The following TUBGCP3 variants were observed in gnomAD, a reference collection of about 807,000 sequenced individuals.
The protein encoded by TUBGCP3 is tubulin gamma complex component 3.
TUBGCP3 carries 50 observed loss-of-function variants against 123.1 expected under a neutral mutation model. The ratio of observed to expected loss-of-function variants is 0.41; its 90% CI spans 0.32 to 0.51. The LOEUF (loss-of-function observed/expected upper bound fraction) is 0.51, where lower values mean the gene tolerates loss of function less well. TUBGCP3 is among the 20% of genes least tolerant of loss of function. TUBGCP3 has a pLI of 0.36. For missense variants in TUBGCP3, 882 were observed against 1,127.0 expected (o/e 0.78, Z 3.11); for synonymous variants, 405 against 413.9 (o/e 0.98, Z 0.26).
chr13:112,516,424 C>T lies in TUBGCP3; in HGVS notation c.2086+16G>A, dbSNP rs750740905. The T allele has an allele frequency of 1.2e-5, 19 of 1,583,098 alleles. No individual in the cohort carries two copies. Among genetic ancestry groups the T allele is most frequent in the Admixed American group, 1.1e-4 (6 of 56,676 alleles). ...CTGGGAGTGTGTGCGGACCCGTGAC[C>T]GTGCTGGGGGCTCACCTGGCATGTT... On this transcript the variant is annotated intron_variant, in intron 17 of 21. Transcript: ENST00000261965.
upstream of TUBGCP3, among the ~76,000 whole-genome samples, chr13:112,589,802 C>T (rs185181638): frequency 1.3e-5 from 2 of 152,260 alleles, no homozygotes; most frequent in East Asian, 3.9e-4. Context: ...ATAAACATAT[C>T]TGAACAAAAA....
chr13:112,503,880 G>T, intron 19 of TUBGCP3, 152 bp downstream of exon 19: 1 of 980,706 alleles, frequency 1.0e-6, no homozygotes. Context: ...TTCAGAAACT[G>T]TACCTTCAAC....
rs1878910318 is a variant in TUBGCP3 at position 112,545,509 on chromosome 13, T to C, written c.1335+190A>G. On this transcript the variant is annotated intron_variant, in intron 11 of 21. Coordinates refer to ENST00000261965, the MANE Select transcript of TUBGCP3 (RefSeq NM_006322.6). This position sits in a 1 kb window ranked among gnomAD's most constrained non-coding sequence, Gnocchi z 4.1. ...AATTCTCCACTAACCAAAGAACTCG[T>C]GAACTTATCTGCTGTTCAGTGAGAT... The C allele has an allele frequency of 8.5e-6, 5 of 587,302 alleles. No homozygotes were observed. The highest frequency in any genetic ancestry group is 1.5e-5 in the Non-Finnish European group (5 of 341,968). 36.4% of individuals were successfully genotyped at this position (587,302 alleles called of 1,614,324 possible). A position where few individuals can be genotyped will look rare whatever the true frequency, so the allele number is the denominator to read the frequency against.
At chr13:112,591,576 C>T (rs989375173), upstream of TUBGCP3, among the ~76,000 whole-genome samples, 1 of 152,228 alleles carries the variant, frequency 6.6e-6, no homozygotes, top group Non-Finnish European at 1.5e-5. Flanking sequence ...AGGTGTGTGG[C>T]CTTGCGCCCC....
intron 17 of TUBGCP3, among the ~76,000 whole-genome samples, chr13:112,509,474 C>T (rs1251293870): frequency 6.6e-6 from 1 of 152,178 alleles, no homozygotes; most frequent in Non-Finnish European, 1.5e-5. Context: ...AAACTCACAC[C>T]TTTCAAAAGG....
intron 2 of TUBGCP3, among the ~76,000 whole-genome samples, chr13:112,567,593 T>C (rs1224996068): frequency 6.6e-6 from 1 of 152,204 alleles, no homozygotes; most frequent in Admixed American, 6.5e-5. Context: ...CCCATTTTTA[T>C]TCCCCGTCTT....
At chr13:112,547,974 C>A in intron 9 of TUBGCP3, 134 bp downstream of exon 9, 1 of 908,748 alleles carries the variant, frequency 1.1e-6, no homozygotes, top group Admixed American at 3.0e-5. Context: ...ATATTCAAAC[C>A]TTACAAATAA....
At chr13:112,566,723 T>C (rs1880976383) in intron 2 of TUBGCP3, among the ~76,000 whole-genome samples, 1 of 152,338 alleles carries the variant, frequency 6.6e-6, no homozygotes, top group South Asian at 2.1e-4. Flanking sequence ...TGCACTACAG[T>C]CACAGCACAA....
chr13:112,555,649 A>G (rs886660607), intron 6 of TUBGCP3, among the ~76,000 whole-genome samples: 4 of 152,214 alleles, frequency 2.6e-5, no homozygotes, highest in Non-Finnish European at 2.9e-5. Flanking sequence ...ATAAATGAAA[A>G]GACATAGCCC....
intron 1 of TUBGCP3, among the ~76,000 whole-genome samples, chr13:112,585,105 A>T (rs1882516040): frequency 6.6e-6 from 1 of 152,240 alleles, no homozygotes; most frequent in South Asian, 2.1e-4. Flanking sequence ...AATTCTCATT[A>T]AAAGTAACAA....
chr13:112,495,082 T>A (rs1428053267), intron 20 of TUBGCP3, among the ~76,000 whole-genome samples: 2 of 152,364 alleles, frequency 1.3e-5, no homozygotes. Context: ...ACCCCATTTG[T>A]CCATTTTTGC....
intron 1 of TUBGCP3, chr13:112,584,179 T>A (rs912505904): frequency 6.6e-6 from 1 of 152,178 alleles, no homozygotes; most frequent in Non-Finnish European, 1.5e-5. Context: ...AACAAAAACA[T>A]TACTCTAGAT....
intron 17 of TUBGCP3, among the ~76,000 whole-genome samples, chr13:112,510,450 C>T (rs1209318977): frequency 6.6e-6 from 1 of 152,160 alleles, no homozygotes; most frequent in African/African-American, 2.4e-5. Flanking sequence ...AAGTACCCAT[C>T]TGATCTATTT....
intron 8 of TUBGCP3, among the ~76,000 whole-genome samples, chr13:112,551,484 T>TGA (rs1221044152): frequency 5.3e-5 from 8 of 152,212 alleles, no homozygotes; most frequent in African/African-American, 1.9e-4. Context: ...GTCACCCCAC[T>TGA]GAGAGCACAC....
At chr13:112,540,086 G>A (rs112336647) in intron 11 of TUBGCP3, among the ~76,000 whole-genome samples, 5 of 147,782 alleles carry the variant, frequency 3.4e-5, no homozygotes, top group Non-Finnish European at 7.5e-5. Flanking sequence ...GGACGTCAAT[G>A]TAGTAGCCCT....
At chr13:112,593,442 A>G in the TUBGCP3 span, among the ~76,000 whole-genome samples, 1 of 151,816 alleles carries the variant, frequency 6.6e-6, no homozygotes, top group African/African-American at 2.4e-5. Context: ...TTGGGAGGCC[A>G]AGGGCAGATC....
intron 11 of TUBGCP3, among the ~76,000 whole-genome samples, chr13:112,543,396 G>A (rs1297708014): frequency 6.6e-6 from 1 of 152,150 alleles, no homozygotes; most frequent in Admixed American, 6.6e-5. Flanking sequence ...TAAGAAGCCT[G>A]AAAATCCTTT....
chr13:112,497,901 T>G (rs1880627598), intron 20 of TUBGCP3, among the ~76,000 whole-genome samples: 1 of 152,234 alleles, frequency 6.6e-6, no homozygotes, highest in Admixed American at 6.5e-5. Flanking sequence ...GGTACATGAC[T>G]GTATCCTGAA....
At chr13:112,583,055 G>A (rs1366951910) in intron 1 of TUBGCP3, among the ~76,000 whole-genome samples, 1 of 152,108 alleles carries the variant, frequency 6.6e-6, no homozygotes, top group Non-Finnish European at 1.5e-5. Flanking sequence ...TCAGAACTTG[G>A]GTTCCAACCT....
Sources: allele counts gnomAD v4.1 joint callset (sites outside exome capture counted in the v4.1 genomes callset), GRCh38; gene constraint gnomAD v4.1.1; non-coding constraint Gnocchi (gnomAD v3.1); transcripts MANE v1.5; gene names NCBI Gene and HGNC (gene_info 2026-07-23, HGNC 2026-07-21).